The following CNTN1 variants were observed in gnomAD, a reference collection of about 807,000 sequenced individuals.
CNTN1 encodes the protein contactin-1.
In CNTN1, 38 loss-of-function variants were observed where a neutral mutation model predicts 126.4. The observed-to-expected ratio is 0.30, with a 90% CI of 0.23 to 0.39. The LOEUF is 0.39. Ranked by LOEUF, CNTN1 falls within the 10% of genes least tolerant of loss-of-function variation. The pLI is 1.00. For synonymous variants in CNTN1, 413 were observed against 422.6 expected (o/e 0.98, Z 0.28); for missense variants, 1,009 against 1,248.4 (o/e 0.81, Z 2.89).
At chr12:40,911,366 C>T (rs189297053) in intron 3 of CNTN1, among the ~76,000 whole-genome samples, 64 of 152,314 alleles carry the variant, frequency 4.2e-4, no homozygotes, top group Admixed American at 3.5e-3. Flanking sequence ...AGGCGTGAGC[C>T]ACCGTGCCCG....
chr12:40,872,262 T>G (rs1943529956), intron 1 of CNTN1, among the ~76,000 whole-genome samples: 2 of 140,126 alleles, frequency 1.4e-5, no homozygotes, highest in African/African-American at 2.6e-5. Flanking sequence ...GTGTGTGTGT[T>G]TTCCCTATCA....
intron 1 of CNTN1, among the ~76,000 whole-genome samples, chr12:40,851,267 T>A (rs1336553760): frequency 6.6e-6 from 1 of 152,238 alleles, no homozygotes; most frequent in Non-Finnish European, 1.5e-5. Flanking sequence ...CTCTAGTTTG[T>A]ATATACTCTT....
At chr12:40,694,020 A>AC in intron 1 of CNTN1, among the ~76,000 whole-genome samples, 1 of 152,364 alleles carries the variant, frequency 6.6e-6, no homozygotes, top group East Asian at 1.9e-4. Context: ...CTAAGTGTAC[A>AC]TATGAACCTT....
chr12:40,862,192 A>G (rs1943135978), intron 1 of CNTN1, among the ~76,000 whole-genome samples: 1 of 143,822 alleles, frequency 7.0e-6, no homozygotes, highest in African/African-American at 2.7e-5. Flanking sequence ...TGACAGAGTG[A>G]GACCTTGTCT....
chr12:40,950,743 T>C (rs972487011), intron 14 of CNTN1, among the ~76,000 whole-genome samples: 2 of 152,032 alleles, frequency 1.3e-5, no homozygotes, highest in African/African-American at 4.8e-5. Flanking sequence ...TTTACCAGTG[T>C]TAAACGAAGG....
At chr12:40,924,743 T>A (rs895519412) in intron 6 of CNTN1, 91 bp downstream of exon 6, 4 of 733,820 alleles carry the variant, frequency 5.5e-6, no homozygotes, top group Admixed American at 1.9e-5. Context: ...TTATTAATAA[T>A]CATGGCTTAT....
intron 1 of CNTN1, among the ~76,000 whole-genome samples, chr12:40,858,789 A>G (rs1213154105): frequency 6.6e-6 from 1 of 152,192 alleles, no homozygotes; most frequent in African/African-American, 2.4e-5. Flanking sequence ...ATGGAATACT[A>G]TGCAGCCATA....
chr12:41,044,015 G>A (rs1227371532), intron 23 of CNTN1, among the ~76,000 whole-genome samples: 4 of 101,598 alleles, frequency 3.9e-5, no homozygotes, highest in East Asian at 3.5e-4. Flanking sequence ...GGGGGGAGGG[G>A]GGTGGGATAG....
chr12:41,053,922 A>G (rs1403113965), intron 23 of CNTN1, among the ~76,000 whole-genome samples: 1 of 151,812 alleles, frequency 6.6e-6, no homozygotes, highest in African/African-American at 2.4e-5. Context: ...TCATTCTTTA[A>G]AAATATATAT....
intron 1 of CNTN1, among the ~76,000 whole-genome samples, chr12:40,788,058 C>CT (rs1362819508): frequency 1.3e-5 from 2 of 152,188 alleles, no homozygotes; most frequent in East Asian, 1.9e-4. Context: ...CAAACTCAGT[C>CT]TTTTTTATTT....
At chr12:40,720,963 A>G (rs540602379) in intron 1 of CNTN1, among the ~76,000 whole-genome samples, 2 of 142,044 alleles carry the variant, frequency 1.4e-5, no homozygotes, top group African/African-American at 2.5e-5. Flanking sequence ...ATATATATAT[A>G]TGTGTATATA....
At chr12:40,944,889 A>G (rs1402025132) in intron 14 of CNTN1, among the ~76,000 whole-genome samples, 5 of 152,102 alleles carry the variant, frequency 3.3e-5, no homozygotes, top group Non-Finnish European at 7.4e-5. Context: ...CATTTGTAAG[A>G]CTAAGGACAT....
At chr12:40,840,076 C>A (rs1942215156) in intron 1 of CNTN1, among the ~76,000 whole-genome samples, 1 of 151,902 alleles carries the variant, frequency 6.6e-6, no homozygotes, top group Admixed American at 6.6e-5. Context: ...AAAACATGAA[C>A]CAACTTTTGC....
chr12:40,700,554 T>G (rs977187113), intron 1 of CNTN1, among the ~76,000 whole-genome samples: 2 of 151,972 alleles, frequency 1.3e-5, no homozygotes, highest in Non-Finnish European at 2.9e-5. Context: ...AAAAATAAAC[T>G]GGATTTTCTT....
At chr12:40,920,552 A>C (rs372644734) in intron 4 of CNTN1, among the ~76,000 whole-genome samples, 2 of 152,316 alleles carry the variant, frequency 1.3e-5, no homozygotes, top group South Asian at 4.1e-4. Flanking sequence ...TGATGGAAAT[A>C]GTTTGATGGA....
At chr12:40,957,994 T>G (rs1465981035) in intron 14 of CNTN1, among the ~76,000 whole-genome samples, 4 of 152,194 alleles carry the variant, frequency 2.6e-5, no homozygotes, top group Admixed American at 1.3e-4. Context: ...TGTACAGTCA[T>G]GATACATCAT....
At chr12:40,727,674 A>G (rs1942393746) in intron 1 of CNTN1, among the ~76,000 whole-genome samples, 1 of 152,224 alleles carries the variant, frequency 6.6e-6, no homozygotes, top group Admixed American at 6.6e-5. Context: ...TAGGCCATAG[A>G]CAAATTGTTG....
intron 1 of CNTN1, among the ~76,000 whole-genome samples, chr12:40,798,869 C>T (rs1342474415): frequency 6.6e-6 from 1 of 151,964 alleles, no homozygotes; most frequent in Non-Finnish European, 1.5e-5. Flanking sequence ...TTTAACAAAC[C>T]TCCACATGTA....
chr12:40,952,809 A>T (rs371517935), intron 14 of CNTN1, among the ~76,000 whole-genome samples: 27 of 152,260 alleles, frequency 1.8e-4, no homozygotes, highest in Middle Eastern at 3.4e-3. Context: ...CTAACAAGCC[A>T]AAAGTAAAGA....
Sources: allele counts gnomAD v4.1 joint callset (sites outside exome capture counted in the v4.1 genomes callset), GRCh38; gene constraint gnomAD v4.1.1; transcripts MANE v1.5; gene names NCBI Gene and HGNC (gene_info 2026-07-23, HGNC 2026-07-21).